The following PAPPA variants were observed in gnomAD, a reference collection of about 807,000 sequenced individuals.
PAPPA encodes the protein pappalysin-1.
Under a neutral mutation model 164.0 loss-of-function variants are expected in PAPPA, and 60 were observed. That is an observed-to-expected ratio of 0.37 (90% confidence interval 0.30 to 0.45). The LOEUF (loss-of-function observed/expected upper bound fraction) is 0.45. Ranked by LOEUF, PAPPA falls within the 20% of genes least tolerant of loss-of-function variation. The pLI is 1.00. For missense variants in PAPPA, 1,782 were observed against 2,087.3 expected (o/e 0.85, Z 2.85); for synonymous variants, 875 against 814.1 (o/e 1.07, Z -1.27).
At chr9:116,376,021 A>AT (rs34549794) in intron 19 of PAPPA, among the ~76,000 whole-genome samples, 82,778 of 135,468 alleles carry the variant, frequency 0.61, 25,350 homozygotes, top group Middle Eastern at 0.71. Flanking sequence ...AACTTCCAGG[A>AT]TTTTTTTTTT....
chr9:116,228,053 A>G (rs1489453211), intron 6 of PAPPA, among the ~76,000 whole-genome samples: 1 of 152,182 alleles, frequency 6.6e-6, no homozygotes, highest in African/African-American at 2.4e-5. Flanking sequence ...TTTACCTGTA[A>G]GACACATAAA....
intron 7 of PAPPA, among the ~76,000 whole-genome samples, chr9:116,264,731 C>A (rs1365228852): frequency 6.6e-6 from 1 of 152,058 alleles, no homozygotes; most frequent in Non-Finnish European, 1.5e-5. Context: ...GTGTTTTTTC[C>A]CATGGTACTT....
At chr9:116,325,402 G>A (rs1391491738) in intron 10 of PAPPA, among the ~76,000 whole-genome samples, 1 of 152,162 alleles carries the variant, frequency 6.6e-6, no homozygotes, top group African/African-American at 2.4e-5. Context: ...CAACCATTCA[G>A]TACAACTGCA....
intron 17 of PAPPA, among the ~76,000 whole-genome samples, chr9:116,360,488 A>C (rs1564240992): frequency 1.3e-5 from 2 of 152,024 alleles, no homozygotes; most frequent in South Asian, 4.2e-4. Context: ...AATCTTGTCT[A>C]TCTGCAGCTG....
intron 2 of PAPPA, among the ~76,000 whole-genome samples, chr9:116,203,164 A>T (rs929562246): frequency 6.6e-6 from 1 of 152,182 alleles, no homozygotes; most frequent in Non-Finnish European, 1.5e-5. Context: ...GAAGGAAGAA[A>T]TGACTTTACT....
intron 13 of PAPPA, among the ~76,000 whole-genome samples, chr9:116,341,020 TA>T (rs1404366798): frequency 6.6e-6 from 1 of 151,520 alleles, no homozygotes; most frequent in Non-Finnish European, 1.5e-5. Flanking sequence ...TTTTTATTTT[TA>T]TTTTTTTGTT....
At chr9:116,378,517 T>C (rs2118688295) in intron 20 of PAPPA, among the ~76,000 whole-genome samples, 1 of 152,260 alleles carries the variant, frequency 6.6e-6, no homozygotes, top group South Asian at 2.1e-4. Flanking sequence ...CTAGAAAAAG[T>C]CGTATCTGAT....
intron 7 of PAPPA, among the ~76,000 whole-genome samples, chr9:116,264,639 G>C (rs1221184985): frequency 1.3e-5 from 2 of 152,126 alleles, no homozygotes; most frequent in African/African-American, 4.8e-5. Flanking sequence ...AGGAGAACTT[G>C]AGATTTTTTG....
intron 10 of PAPPA, among the ~76,000 whole-genome samples, chr9:116,304,684 G>A (rs1399016713): frequency 6.6e-6 from 1 of 151,988 alleles, no homozygotes; most frequent in Non-Finnish European, 1.5e-5. Context: ...TTGTAAGGGG[G>A]GGCTGTCAGG....
Position 116,235,149 on chromosome 9 carries a change from T to C in PAPPA, c.2244T>C (p.Asp748=), listed in dbSNP as rs548846058. The C allele has an allele frequency of 1.2e-6, 2 of 1,614,208 alleles. No homozygotes were observed. The highest frequency in any genetic ancestry group is 2.2e-5 in the East Asian group (1 of 44,874). Residue 748 remains aspartate (D), a synonymous_variant, in exon 7 of 22, where the codon GAT becomes GAC. Coordinates refer to ENST00000328252, the MANE Select transcript of PAPPA (RefSeq NM_002581.5). The stretch of plus-strand genomic sequence containing the variant: ...ATCTCTTCTGCATAGGTCATCCTGA[T>C]GTTGAACAGCCCTGTAAGTCCAGTG... The part of the protein sequence containing the change: ...WSPREAEGHP[D]VEQPCKSSVR...
At chr9:116,364,035 A>C (rs527520895) in intron 18 of PAPPA, among the ~76,000 whole-genome samples, 1 of 152,316 alleles carries the variant, frequency 6.6e-6, no homozygotes, top group East Asian at 1.9e-4. Context: ...GCTGACCAGG[A>C]GTGTTGCAGA....
chr9:116,167,561 T>A (rs573028203), intron 1 of PAPPA, among the ~76,000 whole-genome samples: 1 of 152,294 alleles, frequency 6.6e-6, no homozygotes, highest in South Asian at 2.1e-4. Context: ...TCCCCAGATA[T>A]GCTCAATGGA....
At chr9:116,156,172 T>A (rs1843599386) in intron 1 of PAPPA, among the ~76,000 whole-genome samples, 1 of 151,044 alleles carries the variant, frequency 6.6e-6, no homozygotes, top group Non-Finnish European at 1.5e-5. Context: ...ACCAGTGATT[T>A]GGAAGGCATT....
chr9:116,369,804 C>T (rs1440260268), intron 19 of PAPPA, among the ~76,000 whole-genome samples: 3 of 147,818 alleles, frequency 2.0e-5, no homozygotes, highest in African/African-American at 7.4e-5. Flanking sequence ...CAACCCAGTT[C>T]CCTGGTCTGC....
rs906999630 is a variant in PAPPA at position 116,187,097 on chromosome 9, AC to A, written c.416-50del. On this transcript the variant is annotated intron_variant, in intron 1 of 21. Transcript: ENST00000328252. This position sits in a 1 kb window ranked among gnomAD's most constrained non-coding sequence, Gnocchi z 4.2. Reference sequence around the variant, plus strand: ...AATTTTATTAGAGAAAAATAACTTAACCCCCCCTCCTTTTCCATCCTTTATT... The same window carrying A: ...AATTTTATTAGAGAAAAATAACTTAACCCCCCTCCTTTTCCATCCTTTATT... 6.4e-6 allele frequency: 8 copies of A among 1,256,734 alleles called. No homozygotes were observed. The highest frequency in any genetic ancestry group is 6.9e-6 in the Non-Finnish European group (6 of 875,422). 77.8% of individuals were successfully genotyped at this position (1,256,734 alleles called of 1,614,324 possible). A position where few individuals can be genotyped will look rare whatever the true frequency, so the allele number is the denominator to read the frequency against.
intron 10 of PAPPA, among the ~76,000 whole-genome samples, chr9:116,314,234 C>A (rs1845759769): frequency 6.6e-6 from 1 of 151,708 alleles, no homozygotes; most frequent in South Asian, 2.1e-4. Context: ...CCACATCCAA[C>A]TAATTTTTGT....
chr9:116,293,881 C>G (rs954726136), intron 9 of PAPPA, among the ~76,000 whole-genome samples: 1 of 152,004 alleles, frequency 6.6e-6, no homozygotes. Flanking sequence ...CTTGAACCCA[C>G]GGAGGTTGCA....
At chr9:116,239,792 A>C (rs1347478250) in intron 7 of PAPPA, among the ~76,000 whole-genome samples, 3 of 152,188 alleles carry the variant, frequency 2.0e-5, no homozygotes, top group African/African-American at 7.2e-5. Context: ...GTAAAGGCAG[A>C]ATTTTAGAGC....
At chr9:116,359,556 A>T (rs886108693) in intron 17 of PAPPA, among the ~76,000 whole-genome samples, 4 of 152,254 alleles carry the variant, frequency 2.6e-5, no homozygotes, top group Non-Finnish European at 5.9e-5. Context: ...CAGTGATGCC[A>T]GATCTTCTCT....
Sources: allele counts gnomAD v4.1 joint callset (sites outside exome capture counted in the v4.1 genomes callset), GRCh38; gene constraint gnomAD v4.1.1; non-coding constraint Gnocchi (gnomAD v3.1); transcripts MANE v1.5; gene names NCBI Gene and HGNC (gene_info 2026-07-23, HGNC 2026-07-21).